The following NRCAM variants were observed in gnomAD, a reference collection of about 807,000 sequenced individuals.
NRCAM encodes the protein NgCAM-related cell adhesion molecule.
Under a neutral mutation model 156.5 loss-of-function variants are expected in NRCAM, and 83 were observed. The observed-to-expected ratio is 0.53, with a 90% CI of 0.44 to 0.64. The LOEUF (loss-of-function observed/expected upper bound fraction) is 0.64, where lower values mean the gene tolerates loss of function less well. Among genes scored for constraint, NRCAM ranks in the 30% least tolerant of loss-of-function variants. The pLI, the probability that NRCAM is intolerant of heterozygous loss-of-function variation, is 0.00. For synonymous variants in NRCAM, 538 were observed against 563.9 expected (o/e 0.95, Z 0.65); for missense variants, 1,417 against 1,597.3 (o/e 0.89, Z 1.92).
intron 2 of NRCAM, among the ~76,000 whole-genome samples, chr7:108,352,798 A>ATT (rs1199080588): frequency 6.6e-6 from 1 of 152,202 alleles, no homozygotes; most frequent in Non-Finnish European, 1.5e-5. Context: ...CATAAAGCTA[A>ATT]GAGTCCTGAA....
At chr7:108,225,806 T>C in intron 9 of NRCAM, 105 bp from the exon 10 acceptor site, 1 of 779,948 alleles carries the variant, frequency 1.3e-6, no homozygotes, top group Non-Finnish European at 2.3e-6. Flanking sequence ...GACCGAGTGC[T>C]GTTCCTATCA....
At chr7:108,289,330 GA>G (rs1166155426) in intron 3 of NRCAM, among the ~76,000 whole-genome samples, 1 of 152,050 alleles carries the variant, frequency 6.6e-6, no homozygotes, top group Non-Finnish European at 1.5e-5. Flanking sequence ...ATTCATTGTG[GA>G]ATGGCTAAAT....
intron 2 of NRCAM, among the ~76,000 whole-genome samples, chr7:108,373,308 T>C (rs1018209736): frequency 1.3e-5 from 2 of 152,210 alleles, no homozygotes; most frequent in African/African-American, 2.4e-5. Context: ...AGTACTGTAT[T>C]GTACACTGAA....
At chr7:108,368,178 C>T (rs1046863822) in intron 2 of NRCAM, among the ~76,000 whole-genome samples, 7 of 151,500 alleles carry the variant, frequency 4.6e-5, no homozygotes, top group Middle Eastern at 3.2e-3. Flanking sequence ...TATTTAGCAC[C>T]GGCTCTTCCT....
At chr7:108,321,605 A>G (rs1490990173) in intron 2 of NRCAM, among the ~76,000 whole-genome samples, 1 of 152,188 alleles carries the variant, frequency 6.6e-6, no homozygotes, top group Non-Finnish European at 1.5e-5. Flanking sequence ...CATACCACCT[A>G]CCAAAGGCCC....
At chr7:108,348,795 GGAGGCT>G (rs2099388933) in intron 2 of NRCAM, among the ~76,000 whole-genome samples, 1 of 151,852 alleles carries the variant, frequency 6.6e-6, no homozygotes, top group Non-Finnish European at 1.5e-5. Flanking sequence ...CAGCCACTCG[GGAGGCT>G]GAGGCAGGAG....
chr7:108,435,660 C>T (rs886106136), intron 1 of NRCAM, among the ~76,000 whole-genome samples: 1 of 152,034 alleles, frequency 6.6e-6, no homozygotes, highest in Non-Finnish European at 1.5e-5. Flanking sequence ...GGCTTAATAC[C>T]TGAGTGATGA....
chr7:108,355,388 AAAT>A (rs1309699907), intron 2 of NRCAM, among the ~76,000 whole-genome samples: 7 of 152,338 alleles, frequency 4.6e-5, no homozygotes, highest in Non-Finnish European at 7.3e-5. Context: ...TACATTTTTA[AAAT>A]AATAATAACA....
intron 32 of NRCAM, among the ~76,000 whole-genome samples, chr7:108,157,026 A>C (rs2045910940): frequency 1.3e-5 from 2 of 152,102 alleles, no homozygotes; most frequent in South Asian, 4.1e-4. Flanking sequence ...AATCAAAGTA[A>C]AAAATGTGGT....
At chr7:108,196,174 C>A (rs2074950539) in intron 14 of NRCAM, among the ~76,000 whole-genome samples, 1 of 152,104 alleles carries the variant, frequency 6.6e-6, no homozygotes, top group Non-Finnish European at 1.5e-5. Context: ...GTGTCTGGCA[C>A]AAAAATAACA....
At chr7:108,369,963 T>C (rs908651120) in intron 2 of NRCAM, among the ~76,000 whole-genome samples, 2 of 152,140 alleles carry the variant, frequency 1.3e-5, no homozygotes, top group South Asian at 2.1e-4. Flanking sequence ...GAAAACTAAG[T>C]AGTTATTTAA....
chr7:108,272,938 C>T (rs2097424827), intron 3 of NRCAM, among the ~76,000 whole-genome samples: 1 of 152,144 alleles, frequency 6.6e-6, no homozygotes, highest in Admixed American at 6.5e-5. Flanking sequence ...TGATATTCCC[C>T]TCCCTGTGTC....
intron 2 of NRCAM, among the ~76,000 whole-genome samples, chr7:108,371,267 G>C (rs1412831957): frequency 1.3e-5 from 2 of 152,104 alleles, no homozygotes; most frequent in Non-Finnish European, 1.5e-5. Context: ...ATGAAGAAAG[G>C]GAAAAGTTGG....
chr7:108,440,218 C>T (rs182976225), intron 1 of NRCAM, among the ~76,000 whole-genome samples: 7 of 152,244 alleles, frequency 4.6e-5, no homozygotes, highest in African/African-American at 1.7e-4. Context: ...AAACATTATG[C>T]TACCTCAAAG....
chr7:108,336,514 G>A (rs1454264989), intron 2 of NRCAM, among the ~76,000 whole-genome samples: 6 of 152,152 alleles, frequency 3.9e-5, no homozygotes, highest in African/African-American at 7.2e-5. Context: ...TATGTTAAAA[G>A]TTAAAAGGTT....
At chr7:108,224,281 A>G (rs899809212) in intron 10 of NRCAM, among the ~76,000 whole-genome samples, 1 of 148,062 alleles carries the variant, frequency 6.8e-6, no homozygotes, top group African/African-American at 2.5e-5. Context: ...TAGAAGGGGT[A>G]TTCTGGTTTA....
intron 2 of NRCAM, among the ~76,000 whole-genome samples, chr7:108,357,982 G>T (rs1228289302): frequency 6.6e-6 from 1 of 152,070 alleles, no homozygotes; most frequent in Non-Finnish European, 1.5e-5. Flanking sequence ...CCTACGGATT[G>T]GCTTGTCCTG....
chr7:108,251,125 T>C (rs938429365), intron 3 of NRCAM, among the ~76,000 whole-genome samples: 1 of 152,144 alleles, frequency 6.6e-6, no homozygotes, highest in African/African-American at 2.4e-5. Flanking sequence ...CATGGGCAAT[T>C]TTCTGTGAGT....
chr7:108,177,791 G>C (rs1039841218), intron 26 of NRCAM, among the ~76,000 whole-genome samples, 199 bp downstream of exon 26: 7 of 151,852 alleles, frequency 4.6e-5, no homozygotes, highest in African/African-American at 1.7e-4. Context: ...TACACAGCTA[G>C]AGGGAGGATA....
Sources: gnomAD v4.1 joint callset for allele counts (sites outside exome capture counted in the v4.1 genomes callset) on GRCh38, gnomAD v4.1.1 for gene constraint, MANE v1.5 for transcripts, NCBI Gene and HGNC (gene_info 2026-07-23, HGNC 2026-07-21) for gene names.